The following RASSF8 variants were observed in gnomAD, a reference collection of about 807,000 sequenced individuals.
RASSF8 encodes the protein Ras association domain family member 8.
A neutral mutation model predicts 48.5 loss-of-function variants in RASSF8; 22 were observed. That is an observed-to-expected ratio of 0.45 (90% CI 0.32 to 0.65). RASSF8 has a LOEUF of 0.65. Among genes scored for constraint, RASSF8 ranks in the 30% least tolerant of loss-of-function variants. RASSF8 has a pLI of 0.03. For missense variants in RASSF8, 418 were observed against 489.2 expected (o/e 0.85, Z 1.37); for synonymous variants, 127 against 171.5 (o/e 0.74, Z 2.03).
rs191909306 is a variant in RASSF8, at chr12:26,003,972, T to C, written c.-109+8842T>C. On this transcript the variant is annotated intron_variant, in intron 2 of 5. Coordinates refer to ENST00000689635, the MANE Select transcript of RASSF8 (RefSeq NM_001394098.1). Reference sequence around the variant, plus strand: ...TGGGAGGATCACTTGAACCCAGGAGTTTGAGACCAGACAGGGCAACATGGT... The same window carrying C: ...TGGGAGGATCACTTGAACCCAGGAGCTTGAGACCAGACAGGGCAACATGGT... Among the ~76,000 whole-genome samples the C allele has an allele frequency of 3.6e-4, 55 of 151,376 alleles. No individual in the cohort carries two copies. The East Asian group carries it at 9.9e-3, about 27-fold the overall frequency.
chr12:26,035,469 T>TATTATATAATTATATAATTATATGAA lies in RASSF8; in HGVS notation c.-108-19748_-108-19723dup, dbSNP rs1269006799. Among the ~76,000 whole-genome samples, 27 of 109,656 alleles carry TATTATATAATTATATAATTATATGAA rather than the reference T, an allele frequency of 2.5e-4. No individual in the cohort carries two copies. In the East Asian group the frequency reaches 2.7e-3, roughly 11 times the overall value. The allele number at this position is 109,656 out of a possible 152,430, so 71.9% of individuals were successfully genotyped here. A position where few individuals can be genotyped will look rare whatever the true frequency, so the allele number is the denominator to read the frequency against. On this transcript the variant is annotated intron_variant, in intron 2 of 5. Transcript: ENST00000689635. ...ATAAGTATATGAAATTATATAATTA[T>TATTATATAATTATATAATTATATGAA]ATTATATAATTATATAATTATATGA... is the stretch of plus-strand genomic sequence containing the variant.
rs140377657 is a variant in RASSF8 at position 26,058,997 on chromosome 12, T to C, written c.103+3551T>C. 4.4e-3 allele frequency among the ~76,000 whole-genome samples: 677 copies of C among 152,340 alleles called. 6 individuals carry two copies. The highest frequency in any genetic ancestry group is 0.015 in the African/African-American group (643 of 41,584). On this transcript the variant is annotated intron_variant, in intron 3 of 5. Transcript: ENST00000689635. ...CCTGAACTTTCTGAAACATTCCCAATTTAAATGTTCTACTTTGTTTCCCCT... is the reference window on the plus strand; with the variant it reads ...CCTGAACTTTCTGAAACATTCCCAACTTAAATGTTCTACTTTGTTTCCCCT...
intron 1 of RASSF8, among the ~76,000 whole-genome samples, chr12:25,988,052 A>G (rs891766087): frequency 2.5e-4 from 37 of 150,232 alleles, no homozygotes; most frequent in African/African-American, 8.1e-4. Flanking sequence ...TAGTAGAGAC[A>G]AGGTTTCACC....
At chr12:26,024,316 G>T (rs549496788) in intron 2 of RASSF8, among the ~76,000 whole-genome samples, 1 of 152,178 alleles carries the variant, frequency 6.6e-6, no homozygotes, top group Admixed American at 6.5e-5. Context: ...TAACATTTCT[G>T]TATCTCATTG....
chr12:25,963,174 A>G (rs1340394011), intron 1 of RASSF8, among the ~76,000 whole-genome samples: 1 of 152,140 alleles, frequency 6.6e-6, no homozygotes, highest in Non-Finnish European at 1.5e-5. Flanking sequence ...AGTGCTGTCC[A>G]GCTGTTGATG....
chr12:26,046,851 C>A (rs1360727700), intron 2 of RASSF8, among the ~76,000 whole-genome samples: 1 of 152,188 alleles, frequency 6.6e-6, no homozygotes, highest in African/African-American at 2.4e-5. Context: ...CTTAAATCTA[C>A]CTTAAAATAT....
intron 2 of RASSF8, among the ~76,000 whole-genome samples, chr12:26,018,117 TGA>T (rs1942694944): frequency 7.7e-6 from 1 of 130,366 alleles, no homozygotes; most frequent in Non-Finnish European, 1.8e-5. Flanking sequence ...TCTGTATTCT[TGA>T]GATGAATCTT....
downstream of RASSF8, among the ~76,000 whole-genome samples, chr12:26,073,774 C>CACAT (rs1333011919): frequency 8.1e-6 from 1 of 124,018 alleles, no homozygotes; most frequent in Non-Finnish European, 1.7e-5. Flanking sequence ...CACACACACA[C>CACAT]ACATATATAT....
intron 2 of RASSF8, among the ~76,000 whole-genome samples, chr12:26,003,118 G>A (rs1276093139): frequency 6.6e-6 from 1 of 152,024 alleles, no homozygotes; most frequent in Non-Finnish European, 1.5e-5. Context: ...CCTCATGTAT[G>A]GTATGTTCCT....
chr12:25,994,084 C>T (rs1039976470), intron 1 of RASSF8, among the ~76,000 whole-genome samples: 3 of 152,238 alleles, frequency 2.0e-5, no homozygotes, highest in African/African-American at 4.8e-5. Flanking sequence ...ACTAACTTTC[C>T]CCTTCCTCAG....
At chr12:26,036,520 T>C (rs1943153922) in intron 2 of RASSF8, among the ~76,000 whole-genome samples, 1 of 152,132 alleles carries the variant, frequency 6.6e-6, no homozygotes, top group South Asian at 2.1e-4. Context: ...ATGTAAGATG[T>C]CCTAATTTTT....
Position 26,050,942 on chromosome 12 carries a change from A to G in RASSF8, c.-108-4294A>G, listed in dbSNP as rs538750542. On this transcript the variant is annotated intron_variant, in intron 2 of 5. Coordinates refer to ENST00000689635, the MANE Select transcript of RASSF8 (RefSeq NM_001394098.1). Reference sequence around the variant, plus strand: ...ATTATCTGATCGTTGTTTATTGACAAAAACCAGTTTCCAGGTGATTAAAGA... The same window carrying G: ...ATTATCTGATCGTTGTTTATTGACAGAAACCAGTTTCCAGGTGATTAAAGA... Among the ~76,000 whole-genome samples the G allele has an allele frequency of 3.3e-5, 5 of 152,306 alleles. No homozygotes were observed. The South Asian group carries it at 1.0e-3, about 32-fold the overall frequency.
rs958201408 is a variant in RASSF8 at position 25,995,666 on chromosome 12, TA to T, written c.-109+541del. Among the ~76,000 whole-genome samples the T allele has an allele frequency of 1.6e-3, 243 of 152,220 alleles. 1 individual carries two copies. Among genetic ancestry groups the T allele is most frequent in the African/African-American group, 5.5e-3 (229 of 41,538 alleles). On this transcript the variant is annotated intron_variant, in intron 2 of 5. Transcript: ENST00000689635. ...GGCTTCATTAAGTCAAGGGGGGGCA[TA>T]AAAATCTCCTTAGGTAAGGATATTC...
intron 1 of RASSF8, among the ~76,000 whole-genome samples, chr12:25,965,332 G>T (rs925805589): frequency 6.7e-6 from 1 of 148,170 alleles, no homozygotes; most frequent in African/African-American, 2.5e-5. Context: ...GTATACACAT[G>T]AAATCATTCC....
At chr12:25,959,484 T>G (rs1169437833) in intron 1 of RASSF8, 1 of 152,272 alleles carries the variant, frequency 6.6e-6, no homozygotes, top group African/African-American at 2.4e-5. Context: ...TGTCTGGTTT[T>G]TAAAATATTT....
At chr12:26,064,053 C>T (rs537308897) in intron 3 of RASSF8, among the ~76,000 whole-genome samples, 2 of 152,242 alleles carry the variant, frequency 1.3e-5, no homozygotes, top group South Asian at 2.1e-4. Flanking sequence ...GGAAAAAAGC[C>T]GAGGGATTTC....
intron 3 of RASSF8, among the ~76,000 whole-genome samples, chr12:26,057,023 GAAAAA>G (rs57235079): frequency 7.1e-6 from 1 of 141,516 alleles, no homozygotes; most frequent in African/African-American, 2.6e-5. Flanking sequence ...TGCTAAAAAA[GAAAAA>G]AAAAAGTAGT....
intron 1 of RASSF8, chr12:25,973,950 G>C (rs1437990887): frequency 6.6e-6 from 1 of 152,072 alleles, no homozygotes; most frequent in Non-Finnish European, 1.5e-5. Context: ...ACCCGTGTCC[G>C]GCTGCTGTAA....
chr12:25,960,003 A>T (rs979401378), intron 1 of RASSF8, among the ~76,000 whole-genome samples: 1 of 152,116 alleles, frequency 6.6e-6, no homozygotes, highest in Admixed American at 6.5e-5. Context: ...AGCTGACTTA[A>T]ACCTGTCAGG....
Sources: gnomAD v4.1 joint callset for allele counts (sites outside exome capture counted in the v4.1 genomes callset) on GRCh38, gnomAD v4.1.1 for gene constraint, MANE v1.5 for transcripts, NCBI Gene and HGNC (gene_info 2026-07-23, HGNC 2026-07-21) for gene names.